DNAAF5: variants seen among roughly 807,000 people sequenced by gnomAD.
The protein encoded by DNAAF5 is dynein axonemal assembly factor 5.
In DNAAF5, 64 loss-of-function variants were observed where a neutral mutation model predicts 75.8. The observed-to-expected ratio is 0.84, with a 90% CI of 0.69 to 1.04. The LOEUF (loss-of-function observed/expected upper bound fraction) is 1.04. Among genes scored for constraint, DNAAF5 ranks in the 50% least tolerant of loss-of-function variants. The probability of loss-of-function intolerance (pLI) is 0.00; values close to 1 mark genes in which losing one functional copy is unlikely to be tolerated. For missense variants in DNAAF5, 1,269 were observed against 1,178.5 expected (o/e 1.08, Z -1.12); for synonymous variants, 657 against 557.2 (o/e 1.18, Z -2.52).
chr7:781,854 A>G (rs543347952), intron 12 of DNAAF5, among the ~76,000 whole-genome samples: 4 of 152,196 alleles, frequency 2.6e-5, no homozygotes, highest in African/African-American at 7.2e-5. Context: ...ATTGTCTGCT[A>G]TTGAGCCTGA....
intron 12 of DNAAF5, among the ~76,000 whole-genome samples, chr7:781,684 A>T (rs1433259542): frequency 6.6e-6 from 1 of 152,128 alleles, no homozygotes; most frequent in African/African-American, 2.4e-5. Context: ...TTCCGCAGCC[A>T]TTTTAACTGG....
intron 12 of DNAAF5, among the ~76,000 whole-genome samples, chr7:784,672 T>A (rs2128088140): frequency 1.3e-5 from 2 of 152,308 alleles, no homozygotes; most frequent in South Asian, 4.1e-4. Context: ...AAGCATGGGT[T>A]CATTTCCGGC....
intron 4 of DNAAF5, among the ~76,000 whole-genome samples, chr7:748,984 C>A (rs1299128190): frequency 1.3e-5 from 2 of 152,212 alleles, no homozygotes; most frequent in African/African-American, 4.8e-5. Flanking sequence ...GTCCAGTTTT[C>A]CTGTTTCCTA....
chr7:775,626 G>C (rs1381038657), intron 11 of DNAAF5, among the ~76,000 whole-genome samples: 1 of 152,116 alleles, frequency 6.6e-6, no homozygotes, highest in Non-Finnish European at 1.5e-5. Context: ...GTATGTATTG[G>C]GGGGCAGAAT....
Position 726,798 on chromosome 7 carries a change from GCTGAGCCGCGCC to G in DNAAF5, c.88_99del (p.Ala30_Arg33del). On this transcript the variant is annotated inframe_deletion, in exon 1 of 13. Transcript: ENST00000297440. Reference sequence around the variant, plus strand: ...GGGCCGAGACGGCTGAGGCGGTGGAGCTGAGCCGCGCCCTGAGCCGCCTGCTGCCGGGGCTGG... The same window carrying G: ...GGGCCGAGACGGCTGAGGCGGTGGAGCTGAGCCGCCTGCTGCCGGGGCTGG... The G allele has an allele frequency of 7.7e-7, 1 of 1,302,032 alleles. No individual in the cohort carries two copies. The highest frequency in any genetic ancestry group is 9.7e-7 in the Non-Finnish European group (1 of 1,028,514). 80.7% of individuals were successfully genotyped at this position (1,302,032 alleles called of 1,614,324 possible). A position where few individuals can be genotyped will look rare whatever the true frequency, so the allele number is the denominator to read the frequency against.
intron 2 of DNAAF5, among the ~76,000 whole-genome samples, chr7:736,616 G>C (rs148825721): frequency 8.5e-5 from 13 of 152,182 alleles, no homozygotes; most frequent in Non-Finnish European, 1.9e-4. Flanking sequence ...TGTATTTCTT[G>C]TAGGCAACAG....
chr7:779,351 T>C (rs1225206699), intron 11 of DNAAF5, among the ~76,000 whole-genome samples: 2 of 152,234 alleles, frequency 1.3e-5, no homozygotes, highest in African/African-American at 4.8e-5. Flanking sequence ...GACTCAGTCA[T>C]CTGCGAATTT....
At position 774,197 on chromosome 7, in the gene DNAAF5, A is replaced by G; in HGVS notation, c.2081A>G (p.Gln694Arg). 3 of 1,604,604 alleles carry G rather than the reference A, an allele frequency of 1.9e-6. No individual in the cohort carries two copies. The highest frequency in any genetic ancestry group is 2.2e-5 in the South Asian group (2 of 90,786). Residue 694 changes from glutamine to arginine, a missense_variant and splice_region_variant, in exon 10 of 13, where the codon CAG (glutamine) becomes CGG (arginine). By Grantham distance (43) the Gln-to-Arg change is conservative (BLOSUM62 1). Coordinates refer to ENST00000297440, the MANE Select transcript of DNAAF5 (RefSeq NM_017802.4). Reference protein sequence around the residue: ...LTSSEVLSAEQIRDVQETLMP... With the variant: ...LTSSEVLSAERIRDVQETLMP... ...AGCAGCGAGGTCCTGTCGGCAGAGC[A>G]GGTACGGGGCTCCCTGCGTGCTCGG... is the stretch of plus-strand genomic sequence containing the variant.
intron 6 of DNAAF5, among the ~76,000 whole-genome samples, chr7:761,269 A>G (rs1782633957): frequency 6.6e-6 from 1 of 152,254 alleles, no homozygotes; most frequent in Admixed American, 6.5e-5. Context: ...TCTCCCTGCA[A>G]GGGCTCTCCC....
In DNAAF5 at chr7:774,072, G is replaced by A. The variant is rs771037656; in HGVS notation, c.1956G>A (p.Thr652=). 1.9e-5 allele frequency: 30 copies of A among 1,613,902 alleles called. No individual in the cohort carries two copies. The highest frequency in any genetic ancestry group is 4.0e-5 in the African/African-American group (3 of 74,938). Reference sequence around the variant, plus strand: ...GGCAGTTTCCCAGCTACCTCGAGACGGTGACAAAGGACATCCTGGCCCCCA... The same window carrying A: ...GGCAGTTTCCCAGCTACCTCGAGACAGTGACAAAGGACATCCTGGCCCCCA... ...SQGQFPSYLE[T]VTKDILAPNL... Residue 652 remains threonine (T), a synonymous_variant, in exon 10 of 13, where the codon ACG becomes ACA. Coordinates refer to ENST00000297440, the MANE Select transcript of DNAAF5 (RefSeq NM_017802.4).
At chr7:735,488 C>A (rs1327757256) in intron 2 of DNAAF5, among the ~76,000 whole-genome samples, 1 of 149,852 alleles carries the variant, frequency 6.7e-6, no homozygotes, top group Non-Finnish European at 1.5e-5. Flanking sequence ...CTCATGGTGT[C>A]GTTGCTCATA....
chr7:745,523 G>A (rs939715492), intron 4 of DNAAF5, among the ~76,000 whole-genome samples: 6 of 150,528 alleles, frequency 4.0e-5, no homozygotes, highest in Admixed American at 2.6e-4. Flanking sequence ...ATATGCACAC[G>A]TGTGTACATG....
At chr7:775,222 G>A (rs1562399844) in intron 11 of DNAAF5, 60 bp downstream of exon 11, 4 of 1,529,410 alleles carry the variant, frequency 2.6e-6, no homozygotes, top group Non-Finnish European at 3.6e-6. Context: ...GTGTCCCTGG[G>A]TTCCGTTTGC....
chr7:745,625 G>T (rs370400219), intron 4 of DNAAF5, among the ~76,000 whole-genome samples: 1 of 151,986 alleles, frequency 6.6e-6, no homozygotes, highest in Non-Finnish European at 1.5e-5. Flanking sequence ...GTGCACACAC[G>T]TGTACATGTA....
intron 4 of DNAAF5, among the ~76,000 whole-genome samples, chr7:753,548 G>A (rs1782374133): frequency 1.3e-5 from 2 of 152,090 alleles, no homozygotes; most frequent in Non-Finnish European, 2.9e-5. Context: ...CTCATATGGC[G>A]ATGGCTTCGA....
At chr7:733,098 G>T (rs999696123) in intron 2 of DNAAF5, among the ~76,000 whole-genome samples, 1 of 152,146 alleles carries the variant, frequency 6.6e-6, no homozygotes, top group African/African-American at 2.4e-5. Context: ...TAAATGTATG[G>T]ATTTAATTTC....
chr7:753,250 G>A (rs1782364407), intron 4 of DNAAF5, among the ~76,000 whole-genome samples: 1 of 152,188 alleles, frequency 6.6e-6, no homozygotes, highest in Non-Finnish European at 1.5e-5. Flanking sequence ...CTCCACAGAG[G>A]AGCGGGCACT....
intron 8 of DNAAF5, chr7:769,109 G>A (rs765240676): frequency 9.3e-6 from 7 of 753,758 alleles, no homozygotes; most frequent in South Asian, 7.0e-5. Context: ...GCAAGGGCAG[G>A]TGCGGGGGTC....
At chr7:769,028 A>G (rs1778458165) in intron 8 of DNAAF5, 5 of 627,730 alleles carry the variant, frequency 8.0e-6, no homozygotes, top group Admixed American at 6.8e-5. Flanking sequence ...GAGGCCCTCC[A>G]AGACACCAGC....
Sources: allele counts gnomAD v4.1 joint callset (sites outside exome capture counted in the v4.1 genomes callset), GRCh38; gene constraint gnomAD v4.1.1; transcripts MANE v1.5; gene names NCBI Gene and HGNC (gene_info 2026-07-23, HGNC 2026-07-21).